Variants in ARHGAP42 observed in about 807,000 individuals in gnomAD.
The protein encoded by ARHGAP42 is rho GTPase-activating protein 42.
Under a neutral mutation model 125.0 loss-of-function variants are expected in ARHGAP42, and 63 were observed. The observed-to-expected ratio is 0.50, with a 90% confidence interval of 0.41 to 0.62. The LOEUF (loss-of-function observed/expected upper bound fraction) is 0.62. ARHGAP42 is among the 20% of genes least tolerant of loss of function. The pLI is 0.00. For missense variants in ARHGAP42, 766 were observed against 1,024.2 expected (o/e 0.75, Z 3.44); for synonymous variants, 339 against 351.0 (o/e 0.97, Z 0.38).
intron 5 of ARHGAP42, among the ~76,000 whole-genome samples, chr11:100,921,228 TATATATATATATATA>T: frequency 2.5e-4 from 18 of 70,854 alleles, no homozygotes; most frequent in African/African-American, 1.0e-3. Context: ...TATATATATA[TATATATATATATATA>T]TATTTTTTTT....
In ARHGAP42 at chr11:100,869,553, A is replaced by G. The variant is rs376689909; in HGVS notation, c.384+9928A>G. Among the ~76,000 whole-genome samples, 7 of 152,274 alleles carry G rather than the reference A, an allele frequency of 4.6e-5. No individual in the cohort carries two copies. In the East Asian group the frequency reaches 5.8e-4, roughly 13 times the overall value. ...ACTGTTAGTCAGTAGTTATCTCTGC[A>G]TTCCATGTTTCCATGCCAGTCAATG... is the stretch of plus-strand genomic sequence containing the variant. On this transcript the variant is annotated intron_variant, in intron 4 of 23. Coordinates refer to ENST00000298815, the MANE Select transcript of ARHGAP42 (RefSeq NM_152432.4).
chr11:100,930,320 A>G (rs1362113485), intron 6 of ARHGAP42, among the ~76,000 whole-genome samples: 1 of 152,200 alleles, frequency 6.6e-6, no homozygotes, highest in Non-Finnish European at 1.5e-5. Flanking sequence ...TTTGTAGAGG[A>G]TGAAATGAAC....
At chr11:100,729,029 A>G (rs1861911798) in intron 1 of ARHGAP42, among the ~76,000 whole-genome samples, 1 of 151,834 alleles carries the variant, frequency 6.6e-6, no homozygotes, top group African/African-American at 2.4e-5. Context: ...TCGGCCTTCC[A>G]AAGTGCTGTG....
Position 100,992,056 on chromosome 11 carries a change from C to T in ARHGAP42, c.*3255C>T, listed in dbSNP as rs886966178. 1.9e-5 allele frequency: 9 copies of T among 466,578 alleles called. No individual in the cohort carries two copies. The highest frequency in any genetic ancestry group is 5.5e-4 in the Middle Eastern group (1 of 1,812). The allele number at this position is 466,578 out of a possible 1,614,324, so 28.9% of individuals were successfully genotyped here. ...GTGTACCCTGCTCACCTTCTCACTC[C>T]TAGCACCGTTCTTCTGGTCTGTGTT... On this transcript the variant is annotated 3_prime_UTR_variant, in exon 24 of 24. Coordinates refer to ENST00000298815, the MANE Select transcript of ARHGAP42 (RefSeq NM_152432.4).
chr11:100,834,997 C>A (rs1016596293), intron 3 of ARHGAP42, among the ~76,000 whole-genome samples: 1 of 151,940 alleles, frequency 6.6e-6, no homozygotes, highest in Non-Finnish European at 1.5e-5. Flanking sequence ...CACCCTGTTT[C>A]ATAAGTAAAA....
intron 1 of ARHGAP42, among the ~76,000 whole-genome samples, chr11:100,728,196 C>T (rs140893126): frequency 6.6e-5 from 10 of 152,250 alleles, no homozygotes; most frequent in African/African-American, 2.4e-4. Flanking sequence ...TTACTGAAAC[C>T]TCTCAACAGC....
intron 1 of ARHGAP42, among the ~76,000 whole-genome samples, chr11:100,743,794 T>C (rs1862237159): frequency 6.6e-6 from 1 of 152,220 alleles, no homozygotes; most frequent in Non-Finnish European, 1.5e-5. Context: ...TTTGAGTGGG[T>C]TAATTTGAAA....
intron 4 of ARHGAP42, among the ~76,000 whole-genome samples, chr11:100,907,748 A>G (rs1259156943): frequency 6.6e-6 from 1 of 152,204 alleles, no homozygotes; most frequent in Non-Finnish European, 1.5e-5. Flanking sequence ...ACTCTAGGCA[A>G]GGAGTACATC....
intron 1 of ARHGAP42, among the ~76,000 whole-genome samples, chr11:100,748,586 T>C (rs978644926): frequency 1.4e-5 from 2 of 147,946 alleles, no homozygotes; most frequent in Non-Finnish European, 3.1e-5. Context: ...TTTTTTGACT[T>C]AGGATAGTGC....
rs545194471 is a variant in ARHGAP42, at chr11:100,823,182, T to A, written c.312+28016T>A. ...AATGAAACTTGAGAAGCCCAGACAA[T>A]TGGTAGGTTCGCACTGAAATCTTTT... On this transcript the variant is annotated intron_variant, in intron 3 of 23. Coordinates refer to ENST00000298815, the MANE Select transcript of ARHGAP42 (RefSeq NM_152432.4). Among the ~76,000 whole-genome samples, 4 of 152,258 alleles carry A rather than the reference T, an allele frequency of 2.6e-5. No homozygotes were observed. The South Asian group carries it at 8.3e-4, about 32-fold the overall frequency.
chr11:100,731,378 C>T (rs1325066003), intron 1 of ARHGAP42, among the ~76,000 whole-genome samples: 3 of 152,042 alleles, frequency 2.0e-5, no homozygotes, highest in South Asian at 2.1e-4. Flanking sequence ...AGGGTGGTCT[C>T]GATCTCTTGA....
chr11:100,756,443 T>C (rs1358014659), intron 1 of ARHGAP42, among the ~76,000 whole-genome samples: 3 of 152,056 alleles, frequency 2.0e-5, no homozygotes, highest in South Asian at 2.1e-4. Context: ...TTAGAATATA[T>C]GAACTGTAGT....
At chr11:100,913,323 G>A in intron 4 of ARHGAP42, 129 bp from the exon 5 acceptor site, 2 of 296,668 alleles carry the variant, frequency 6.7e-6, no homozygotes, top group South Asian at 7.2e-5. Flanking sequence ...CTAAATTAAG[G>A]TTTTACACAT....
chr11:100,724,315 A>C (rs1392299909), intron 1 of ARHGAP42, among the ~76,000 whole-genome samples: 2 of 152,076 alleles, frequency 1.3e-5, no homozygotes, highest in Non-Finnish European at 2.9e-5. Flanking sequence ...TTTCGTTGTT[A>C]GGGTAATACT....
chr11:100,976,016 T>C, intron 19 of ARHGAP42, 41 bp from the exon 20 acceptor site: 1 of 1,461,876 alleles, frequency 6.8e-7, no homozygotes, highest in African/African-American at 1.4e-5. Context: ...TATCAATAGA[T>C]AGTTACAGTT....
Position 100,781,493 on chromosome 11 carries a change from G to A in ARHGAP42, c.250+11055G>A, listed in dbSNP as rs543009805. 2.6e-5 allele frequency among the ~76,000 whole-genome samples: 4 copies of A among 152,234 alleles called. No homozygotes were observed. The South Asian group carries it at 8.3e-4, about 32-fold the overall frequency. ...AACCTTGATAACTGGCTCTTAGGTT[G>A]TCAACTTTGACTTTGAGGTTACTTG... On this transcript the variant is annotated intron_variant, in intron 2 of 23. Transcript: ENST00000298815.
chr11:100,903,225 G>A (rs1866608719), intron 4 of ARHGAP42, among the ~76,000 whole-genome samples: 1 of 150,532 alleles, frequency 6.6e-6, no homozygotes, highest in Non-Finnish European at 1.5e-5. Flanking sequence ...AGTATTATAT[G>A]TAATATAATA....
chr11:100,784,934 A>T (rs894606496), intron 2 of ARHGAP42, among the ~76,000 whole-genome samples: 1 of 152,160 alleles, frequency 6.6e-6, no homozygotes, highest in Non-Finnish European at 1.5e-5. Context: ...TTCTGATGGG[A>T]TGTTGTGAGC....
At position 100,991,996 on chromosome 11, in the gene ARHGAP42, T is replaced by A. The variant is rs893977020; in HGVS notation, c.*3195T>A. ...TGGCATCCTTCATAAAAATTCACTA[T>A]GTTGTGAGGCAAACAGATTTCTCAC... On this transcript the variant is annotated 3_prime_UTR_variant, in exon 24 of 24. Transcript: ENST00000298815. The A allele has an allele frequency of 2.2e-5, 6 of 276,916 alleles. No homozygotes were observed. Among genetic ancestry groups the A allele is most frequent in the Admixed American group, 1.4e-4 (3 of 20,990 alleles). The allele number at this position is 276,916 out of a possible 1,614,324, so 17.2% of individuals were successfully genotyped here.
Sources: allele counts gnomAD v4.1 joint callset (sites outside exome capture counted in the v4.1 genomes callset), GRCh38; gene constraint gnomAD v4.1.1; transcripts MANE v1.5; gene names NCBI Gene and HGNC (gene_info 2026-07-23, HGNC 2026-07-21).